FARS2: variants seen among roughly 807,000 people sequenced by gnomAD.
The protein encoded by FARS2 is phenylalanyl-tRNA synthetase 2, mitochondrial.
Under a neutral mutation model 46.4 loss-of-function variants are expected in FARS2, and 40 were observed. That is an observed-to-expected ratio of 0.86 (90% CI 0.67 to 1.12). The LOEUF is 1.12. FARS2 is among the 50% of genes most tolerant of loss of function. The pLI, the probability that FARS2 is intolerant of heterozygous loss-of-function variation, is 0.00. For missense variants in FARS2, 513 were observed against 567.9 expected (o/e 0.90, Z 0.98); for synonymous variants, 234 against 214.9 (o/e 1.09, Z -0.78).
chr6:5,712,963 G>A lies in FARS2; in HGVS notation c.1218-58328G>A, dbSNP rs183576226. On this transcript the variant is annotated intron_variant, in intron 6 of 6. Coordinates refer to ENST00000274680, the MANE Select transcript of FARS2 (RefSeq NM_006567.5). ...TACCTGTAGAACTTTCACTGTCACCGTTGTGATCCTTCCATCTGATAAGCT... is the reference window on the plus strand; with the variant it reads ...TACCTGTAGAACTTTCACTGTCACCATTGTGATCCTTCCATCTGATAAGCT... 2.9e-3 allele frequency among the ~76,000 whole-genome samples: 442 copies of A among 152,340 alleles called. 2 individuals are homozygous for A. The highest frequency in any genetic ancestry group is 1.0e-2 in the African/African-American group (414 of 41,570).
At chr6:5,612,497 T>A (rs1439216597) in intron 5 of FARS2, among the ~76,000 whole-genome samples, 7 of 152,192 alleles carry the variant, frequency 4.6e-5, no homozygotes, top group African/African-American at 1.7e-4. Flanking sequence ...TTTGTGTGTG[T>A]GTGTGAAAGC....
intron 6 of FARS2, among the ~76,000 whole-genome samples, chr6:5,679,499 C>T (rs1053719928): frequency 6.6e-6 from 1 of 152,144 alleles, no homozygotes; most frequent in African/African-American, 2.4e-5. Context: ...TCAAGACCCT[C>T]CTCCATCACC....
At chr6:5,759,809 C>T (rs1762393936) in intron 6 of FARS2, among the ~76,000 whole-genome samples, 1 of 152,126 alleles carries the variant, frequency 6.6e-6, no homozygotes, top group Admixed American at 6.5e-5. Flanking sequence ...GAATGGGCTG[C>T]CCCACAAGGA....
At chr6:5,425,409 C>G (rs922094310) in intron 3 of FARS2, among the ~76,000 whole-genome samples, 3 of 152,012 alleles carry the variant, frequency 2.0e-5, no homozygotes, top group African/African-American at 7.2e-5. Flanking sequence ...AGAATGAGAT[C>G]CTTAACGAAG....
At chr6:5,523,837 A>C (rs1418737966) in intron 4 of FARS2, among the ~76,000 whole-genome samples, 1 of 152,166 alleles carries the variant, frequency 6.6e-6, no homozygotes, top group Non-Finnish European at 1.5e-5. Flanking sequence ...AGGTCCCTCA[A>C]ATCCAAGGAG....
chr6:5,672,341 G>A (rs542182162), intron 6 of FARS2, among the ~76,000 whole-genome samples: 4 of 152,238 alleles, frequency 2.6e-5, no homozygotes, highest in African/African-American at 7.2e-5. Flanking sequence ...CAGTCCCACC[G>A]TGACGCAGCT....
At chr6:5,701,675 A>G (rs964955601) in intron 6 of FARS2, among the ~76,000 whole-genome samples, 1 of 152,236 alleles carries the variant, frequency 6.6e-6, no homozygotes, top group Admixed American at 6.5e-5. Context: ...CCCTAAACGA[A>G]CAGTAGCAAT....
chr6:5,714,699 G>C (rs1582818123), intron 6 of FARS2, among the ~76,000 whole-genome samples: 2 of 152,234 alleles, frequency 1.3e-5, no homozygotes, highest in East Asian at 3.9e-4. Flanking sequence ...TCCTGAAGGA[G>C]CTGACCCAAA....
intron 5 of FARS2, among the ~76,000 whole-genome samples, chr6:5,557,307 A>G (rs1582441124): frequency 6.6e-6 from 1 of 152,284 alleles, no homozygotes; most frequent in East Asian, 1.9e-4. Flanking sequence ...AACACTGAAC[A>G]TTTTAATCTC....
Position 5,522,236 on chromosome 6 carries a change from G to T in FARS2, c.905-22944G>T, listed in dbSNP as rs74441094. Among the ~76,000 whole-genome samples, 666 of 152,294 alleles carry T rather than the reference G, an allele frequency of 4.4e-3. 9 individuals are homozygous for T. Among genetic ancestry groups the T allele is most frequent in the African/African-American group, 0.015 (644 of 41,550 alleles). On this transcript the variant is annotated intron_variant, in intron 4 of 6. Coordinates refer to ENST00000274680, the MANE Select transcript of FARS2 (RefSeq NM_006567.5). ...ACAGCAAGGGAAGGGAGAGCTGCAGGGTCTCCCAAGCCCAGACCTGGAAGG... is the reference window on the plus strand; with the variant it reads ...ACAGCAAGGGAAGGGAGAGCTGCAGTGTCTCCCAAGCCCAGACCTGGAAGG...
intron 5 of FARS2, among the ~76,000 whole-genome samples, chr6:5,587,765 A>G (rs1561733717): frequency 6.6e-6 from 1 of 152,160 alleles, no homozygotes; most frequent in Non-Finnish European, 1.5e-5. Context: ...CCTTAAGTTC[A>G]TGAGCTCCGG....
intron 4 of FARS2, among the ~76,000 whole-genome samples, chr6:5,479,686 A>T (rs1188934820): frequency 1.3e-5 from 2 of 152,232 alleles, no homozygotes; most frequent in Non-Finnish European, 2.9e-5. Flanking sequence ...CTGTGCAGTG[A>T]CCCAGTTCAG....
intron 4 of FARS2, among the ~76,000 whole-genome samples, chr6:5,535,510 C>A (rs1050780202): frequency 6.6e-6 from 1 of 152,068 alleles, no homozygotes; most frequent in Non-Finnish European, 1.5e-5. Flanking sequence ...CTTTTTCTTG[C>A]CTAATTTCTC....
chr6:5,283,053 A>G (rs1437894260), intron 1 of FARS2, among the ~76,000 whole-genome samples: 1 of 152,040 alleles, frequency 6.6e-6, no homozygotes, highest in Non-Finnish European at 1.5e-5. Flanking sequence ...ACTGGCTGAC[A>G]TGGTGAAACC....
Position 5,286,961 on chromosome 6 carries a change from T to A in FARS2, c.-22+25301T>A, listed in dbSNP as rs529038793. On this transcript the variant is annotated intron_variant, in intron 1 of 6. Transcript: ENST00000274680. ...GAAAGCCTGACCTCATCAGACCTAA[T>A]ACAGGAAGACTCGCTGCACTTGTGG... Among the ~76,000 whole-genome samples, 22 of 152,352 alleles carry A rather than the reference T, an allele frequency of 1.4e-4. No homozygotes were observed. The South Asian group carries it at 4.1e-3, about 29-fold the overall frequency.
intron 6 of FARS2, among the ~76,000 whole-genome samples, chr6:5,711,298 GA>G (rs1417798004): frequency 7.9e-5 from 12 of 151,000 alleles, no homozygotes; most frequent in African/African-American, 2.7e-4. Context: ...ATGGATGAAT[GA>G]ATGAATGAAT....
chr6:5,585,845 A>G (rs1403573799), intron 5 of FARS2, among the ~76,000 whole-genome samples: 1 of 152,158 alleles, frequency 6.6e-6, no homozygotes, highest in Non-Finnish European at 1.5e-5. Context: ...CATATTAGCT[A>G]GTATAACTAA....
intron 5 of FARS2, among the ~76,000 whole-genome samples, chr6:5,594,981 C>T (rs1053769795): frequency 6.6e-6 from 1 of 152,168 alleles, no homozygotes; most frequent in African/African-American, 2.4e-5. Flanking sequence ...CCTCCAGGGC[C>T]AACTGGAGGA....
Position 5,764,026 on chromosome 6 carries a change from T to C in FARS2, c.1218-7265T>C, listed in dbSNP as rs372713261. ...CCTCACCCCCACAGCCTCATTACACTCTCCAATAAGCCACAGGAGTAAAGG... is the reference window on the plus strand; with the variant it reads ...CCTCACCCCCACAGCCTCATTACACCCTCCAATAAGCCACAGGAGTAAAGG... On this transcript the variant is annotated intron_variant, in intron 6 of 6. Transcript: ENST00000274680. This position sits in a 1 kb window ranked among gnomAD's most constrained non-coding sequence, Gnocchi z 4.1. Among the ~76,000 whole-genome samples, 10 of 151,838 alleles carry C rather than the reference T, an allele frequency of 6.6e-5. No individual in the cohort carries two copies. Among genetic ancestry groups the C allele is most frequent in the African/African-American group, 2.4e-4 (10 of 41,308 alleles).
Sources: gnomAD v4.1 joint callset for allele counts (sites outside exome capture counted in the v4.1 genomes callset) on GRCh38, gnomAD v4.1.1 for gene constraint, Gnocchi (gnomAD v3.1) non-coding constraint, MANE v1.5 for transcripts, NCBI Gene and HGNC (gene_info 2026-07-23, HGNC 2026-07-21) for gene names.